The following SUPT3H variants were observed in gnomAD, a reference collection of about 807,000 sequenced individuals.
SUPT3H encodes the protein SPT3 homolog, SAGA and STAGA complex component.
SUPT3H carries 44 observed loss-of-function variants against 44.3 expected under a neutral mutation model. The observed-to-expected ratio is 0.99, with a 90% CI of 0.78 to 1.28. The LOEUF is 1.28. SUPT3H is among the 50% of genes most tolerant of loss of function. The pLI, the probability that SUPT3H is intolerant of heterozygous loss-of-function variation, is 0.00. For synonymous variants in SUPT3H, 124 were observed against 125.6 expected (o/e 0.99, Z 0.09); for missense variants, 380 against 387.1 (o/e 0.98, Z 0.15).
intron 2 of SUPT3H, among the ~76,000 whole-genome samples, chr6:45,247,879 A>ATT (rs1052034094): frequency 1.3e-5 from 2 of 152,190 alleles, no homozygotes; most frequent in African/African-American, 4.8e-5. Context: ...TAGACTCAAA[A>ATT]ATCAGTGGAA....
At chr6:45,097,091 C>G (rs762343368) in intron 3 of SUPT3H, among the ~76,000 whole-genome samples, 1 of 152,110 alleles carries the variant, frequency 6.6e-6, no homozygotes, top group Non-Finnish European at 1.5e-5. Flanking sequence ...TAACACTGAT[C>G]AAAGATGGAC....
intron 9 of SUPT3H, among the ~76,000 whole-genome samples, chr6:44,948,803 C>G (rs919007231): frequency 7.2e-5 from 11 of 152,216 alleles, no homozygotes; most frequent in Non-Finnish European, 1.2e-4. Flanking sequence ...GGACTGTAAA[C>G]TAGTTCAACC....
At chr6:45,157,666 A>T (rs1808060275) in intron 2 of SUPT3H, among the ~76,000 whole-genome samples, 1 of 151,840 alleles carries the variant, frequency 6.6e-6, no homozygotes, top group Admixed American at 6.6e-5. Flanking sequence ...CTCCTGCCTC[A>T]GCCTCCTGAG....
At chr6:45,013,090 A>G (rs542276395) in intron 5 of SUPT3H, among the ~76,000 whole-genome samples, 1 of 152,184 alleles carries the variant, frequency 6.6e-6, no homozygotes, top group South Asian at 2.1e-4. Context: ...ACTGTTTCTG[A>G]TAATACCCTT....
At chr6:45,076,748 T>C (rs1795052168) in intron 3 of SUPT3H, among the ~76,000 whole-genome samples, 1 of 152,174 alleles carries the variant, frequency 6.6e-6, no homozygotes, top group Admixed American at 6.6e-5. Flanking sequence ...ACTAATGATT[T>C]CTTACAATCT....
At chr6:45,104,866 T>G (rs546344151) in intron 3 of SUPT3H, among the ~76,000 whole-genome samples, 1 of 151,984 alleles carries the variant, frequency 6.6e-6, no homozygotes, top group African/African-American at 2.4e-5. Context: ...TAAAATCATG[T>G]AATCTCAATA....
At chr6:44,893,263 C>T (rs1437960177) in intron 10 of SUPT3H, among the ~76,000 whole-genome samples, 1 of 152,064 alleles carries the variant, frequency 6.6e-6, no homozygotes, top group Non-Finnish European at 1.5e-5. Context: ...TTTTAGGGTA[C>T]ATGTGCACAA....
At chr6:45,202,616 T>C (rs1222628244) in intron 2 of SUPT3H, among the ~76,000 whole-genome samples, 4 of 152,052 alleles carry the variant, frequency 2.6e-5, no homozygotes, top group Admixed American at 6.6e-5. Context: ...TCCTAGTCAT[T>C]AGCGTCAAAA....
chr6:45,012,148 T>C (rs1235450980), intron 5 of SUPT3H, among the ~76,000 whole-genome samples: 1 of 151,778 alleles, frequency 6.6e-6, no homozygotes, highest in Non-Finnish European at 1.5e-5. Context: ...TAGATTTCTT[T>C]ATGTTTATCC....
chr6:45,334,625 G>A lies in SUPT3H; in HGVS notation c.101+30576C>T, dbSNP rs557885913. Among the ~76,000 whole-genome samples the A allele has an allele frequency of 6.6e-5, 10 of 151,046 alleles. No individual in the cohort carries two copies. In the East Asian group the frequency reaches 1.7e-3, roughly 26 times the overall value. On this transcript the variant is annotated intron_variant, in intron 2 of 10. Coordinates refer to ENST00000371459, the MANE Select transcript of SUPT3H (RefSeq NM_003599.4). Reference sequence around the variant, plus strand: ...GTATTTTTACACCGAAACAAAATACGTGTCATATATGTTCAACTTAAATTT... The same window carrying A: ...GTATTTTTACACCGAAACAAAATACATGTCATATATGTTCAACTTAAATTT...
intron 10 of SUPT3H, among the ~76,000 whole-genome samples, chr6:44,843,264 A>G (rs1025106496): frequency 6.6e-5 from 10 of 152,194 alleles, no homozygotes; most frequent in African/African-American, 2.2e-4. Flanking sequence ...CAATCTGATA[A>G]AAGACATACA....
intron 2 of SUPT3H, among the ~76,000 whole-genome samples, chr6:45,138,976 G>A (rs1284639757): frequency 6.6e-6 from 1 of 152,054 alleles, no homozygotes; most frequent in East Asian, 1.9e-4. Flanking sequence ...ATCCCCTAGT[G>A]ACTGACATGT....
chr6:45,030,289 A>T (rs1220989202), intron 3 of SUPT3H, among the ~76,000 whole-genome samples: 1 of 152,138 alleles, frequency 6.6e-6, no homozygotes, highest in Non-Finnish European at 1.5e-5. Context: ...CAGAACCATA[A>T]GATATTTTGG....
intron 2 of SUPT3H, among the ~76,000 whole-genome samples, chr6:45,226,157 T>A (rs1584363219): frequency 6.6e-6 from 1 of 152,142 alleles, no homozygotes; most frequent in East Asian, 1.9e-4. Context: ...TTACAGCAGA[T>A]ATATGAAGTC....
chr6:45,081,649 C>G (rs1196960274), intron 3 of SUPT3H, among the ~76,000 whole-genome samples: 2 of 152,112 alleles, frequency 1.3e-5, no homozygotes, highest in African/African-American at 4.8e-5. Flanking sequence ...CAATCTAACT[C>G]TACGTCTTAT....
intron 10 of SUPT3H, among the ~76,000 whole-genome samples, chr6:44,847,501 T>G (rs956734987): frequency 6.6e-6 from 1 of 152,056 alleles, no homozygotes; most frequent in African/African-American, 2.4e-5. Flanking sequence ...TTTTTTTTTT[T>G]TTTTGAGACA....
chr6:45,337,389 CA>C (rs1316985433), intron 2 of SUPT3H, among the ~76,000 whole-genome samples: 1 of 151,650 alleles, frequency 6.6e-6, no homozygotes, highest in African/African-American at 2.4e-5. Context: ...AAAAAAGCTC[CA>C]AAACTTTAAC....
At chr6:44,839,725 G>A (rs928392632) in intron 10 of SUPT3H, among the ~76,000 whole-genome samples, 10 of 150,792 alleles carry the variant, frequency 6.6e-5, no homozygotes, top group Non-Finnish European at 1.5e-4. Context: ...TTTTTGAGAC[G>A]GAGTCTCTCT....
At chr6:45,376,440 T>C (rs1796785085) in intron 1 of SUPT3H, among the ~76,000 whole-genome samples, 1 of 152,232 alleles carries the variant, frequency 6.6e-6, no homozygotes, top group Admixed American at 6.5e-5. Flanking sequence ...TTTATTAATT[T>C]ATGAATAAAA....
Sources: allele counts gnomAD v4.1 joint callset (sites outside exome capture counted in the v4.1 genomes callset), GRCh38; gene constraint gnomAD v4.1.1; transcripts MANE v1.5; gene names NCBI Gene and HGNC (gene_info 2026-07-23, HGNC 2026-07-21).